The following NCR1 variants were observed in gnomAD, a reference collection of about 807,000 sequenced individuals.
NCR1 encodes the protein NK cell-activating receptor.
In NCR1, 30 loss-of-function variants were observed where a neutral mutation model predicts 32.5. The ratio of observed to expected loss-of-function variants is 0.92; its 90% CI spans 0.69 to 1.25. NCR1 has a LOEUF of 1.25. Among genes scored for constraint, NCR1 ranks in the 50% most tolerant of loss-of-function variants. The pLI, the probability that NCR1 is intolerant of heterozygous loss-of-function variation, is 0.00. For missense variants in NCR1, 369 were observed against 380.7 expected (o/e 0.97, Z 0.26); for synonymous variants, 169 against 143.4 (o/e 1.18, Z -1.28).
chr19:54,906,943 A>C (rs1429961235), intron 3 of NCR1, 136 bp downstream of exon 3: 1 of 1,032,334 alleles, frequency 9.7e-7, no homozygotes, highest in African/African-American at 1.6e-5. Flanking sequence ...GATCCCCATC[A>C]CAATCCTTGC....
the NCR1 span, among the ~76,000 whole-genome samples, chr19:54,936,983 C>T: frequency 6.6e-6 from 1 of 151,744 alleles, no homozygotes; most frequent in Non-Finnish European, 1.5e-5. Flanking sequence ...GAGGCCGAGG[C>T]CGAGGCGGGT....
chr19:54,901,735 A>C (rs920497640), upstream of NCR1, among the ~76,000 whole-genome samples: 2 of 152,228 alleles, frequency 1.3e-5, no homozygotes, highest in African/African-American at 4.8e-5. Flanking sequence ...TGGGAGGCTG[A>C]GGCAGGTGGA....
At chr19:54,903,112 AGAGT>A (rs1348333107), upstream of NCR1, among the ~76,000 whole-genome samples, 2 of 152,008 alleles carry the variant, frequency 1.3e-5, no homozygotes, top group Non-Finnish European at 2.9e-5. Context: ...CTTGAGGGAC[AGAGT>A]GAGATTCCGT....
At chr19:54,904,217 T>A (rs1017411911), upstream of NCR1, among the ~76,000 whole-genome samples, 19 of 151,978 alleles carry the variant, frequency 1.3e-4, 1 homozygote, top group Non-Finnish European at 8.8e-5. Flanking sequence ...TTCTTTTCAC[T>A]TTTATTTTAT....
chr19:54,899,904 C>G, the NCR1 span, among the ~76,000 whole-genome samples: 1 of 152,168 alleles, frequency 6.6e-6, no homozygotes, highest in East Asian at 1.9e-4. Flanking sequence ...ACGAATAAAG[C>G]GCGTCTCCTG....
At chr19:54,934,940 A>T in the NCR1 span, among the ~76,000 whole-genome samples, 1 of 151,932 alleles carries the variant, frequency 6.6e-6, no homozygotes, top group Non-Finnish European at 1.5e-5. The surrounding 1 kb of genome is among the most constrained non-coding windows in gnomAD (Gnocchi z 6.7). Context: ...CAGGTGATCC[A>T]CCCACCTTGG....
chr19:54,921,204 T>G, the NCR1 span, among the ~76,000 whole-genome samples: 3 of 152,086 alleles, frequency 2.0e-5, no homozygotes, highest in African/African-American at 7.2e-5. Flanking sequence ...CAGCCCTACC[T>G]CTCATCACCT....
At chr19:54,905,588 T>C (rs1432724463), upstream of NCR1, among the ~76,000 whole-genome samples, 1 of 152,160 alleles carries the variant, frequency 6.6e-6, no homozygotes, top group East Asian at 1.9e-4. Flanking sequence ...GGTTATCCTG[T>C]CTAGTGACCT....
At chr19:54,914,228 T>A (rs1158612804), downstream of NCR1, among the ~76,000 whole-genome samples, 3 of 147,090 alleles carry the variant, frequency 2.0e-5, no homozygotes, top group Admixed American at 6.8e-5. Flanking sequence ...TTTTTTTTTT[T>A]AATGTAAGTT....
the NCR1 span, chr19:54,938,192 G>A: frequency 1.2e-6 from 2 of 1,614,118 alleles, no homozygotes; most frequent in East Asian, 2.2e-5. Flanking sequence ...CAGAGGCGAA[G>A]AGAGCGAAGA....
At chr19:54,929,788 T>C in the NCR1 span, among the ~76,000 whole-genome samples, 1 of 152,132 alleles carries the variant, frequency 6.6e-6, no homozygotes, top group African/African-American at 2.4e-5. Flanking sequence ...ATCTTAAAAC[T>C]GGATCCGAAG....
intron 4 of NCR1, 121 bp from the exon 5 acceptor site, chr19:54,909,897 C>G: frequency 2.4e-6 from 2 of 819,210 alleles, no homozygotes; most frequent in South Asian, 3.4e-5. Flanking sequence ...ATCATACCAC[C>G]GCACTGCAAC....
At chr19:54,903,514 A>G (rs111212229), upstream of NCR1, among the ~76,000 whole-genome samples, 6,027 of 122,656 alleles carry the variant, frequency 0.049, 162 homozygotes, top group African/African-American at 0.099. Flanking sequence ...ATACACGCAT[A>G]CATGTGTGTA....
the NCR1 span, among the ~76,000 whole-genome samples, chr19:54,899,567 G>A: frequency 5.3e-5 from 8 of 152,006 alleles, no homozygotes; most frequent in Admixed American, 2.0e-4. Context: ...GAGATAAGAC[G>A]TCAGGGCACA....
the NCR1 span, among the ~76,000 whole-genome samples, chr19:54,937,697 A>G: frequency 1.3e-5 from 2 of 152,116 alleles, no homozygotes; most frequent in African/African-American, 4.8e-5. Flanking sequence ...CAGGAGCTCG[A>G]GATCAGCCTG....
chr19:54,930,492 C>G, the NCR1 span: 1 of 1,589,484 alleles, frequency 6.3e-7, no homozygotes, highest in African/African-American at 1.3e-5. Context: ...AAAAGAAAAT[C>G]GCCTACCGTA....
intron 3 of NCR1, among the ~76,000 whole-genome samples, chr19:54,908,454 G>A (rs1258216458): frequency 2.6e-5 from 4 of 151,876 alleles, no homozygotes; most frequent in African/African-American, 9.7e-5. Flanking sequence ...TTTTCTATTC[G>A]ACAAAACCGC....
intron 4 of NCR1, 72 bp from the exon 5 acceptor site, chr19:54,909,934 CAAAAAAAAAAAA>C (rs11345154): frequency 1.1e-5 from 7 of 611,452 alleles, no homozygotes; most frequent in Admixed American, 8.0e-5. Flanking sequence ...GACTCCATCT[CAAAAAAAAAAAA>C]AAAAAAAAAA....
the NCR1 span, among the ~76,000 whole-genome samples, chr19:54,931,309 A>G: frequency 6.6e-6 from 1 of 152,098 alleles, no homozygotes; most frequent in South Asian, 2.1e-4. Flanking sequence ...CTGTAATCTC[A>G]GCACTTTGGG....
Sources: gnomAD v4.1 joint callset for allele counts (sites outside exome capture counted in the v4.1 genomes callset) on GRCh38, gnomAD v4.1.1 for gene constraint, Gnocchi (gnomAD v3.1) non-coding constraint, MANE v1.5 for transcripts, NCBI Gene and HGNC (gene_info 2026-07-23, HGNC 2026-07-21) for gene names.